Variants in ANKRD6 observed in about 807,000 individuals in gnomAD.
ANKRD6 encodes ankyrin repeat domain 6, also known as ankyrin repeat domain-containing protein 6.
Under a neutral mutation model 82.3 loss-of-function variants are expected in ANKRD6, and 56 were observed. The observed-to-expected ratio is 0.68, with a 90% confidence interval of 0.55 to 0.85. The LOEUF (loss-of-function observed/expected upper bound fraction) is 0.85. ANKRD6 is among the 40% of genes least tolerant of loss of function. ANKRD6 has a pLI of 0.00. For missense variants in ANKRD6, 852 were observed against 907.6 expected (o/e 0.94, Z 0.79); for synonymous variants, 347 against 352.1 (o/e 0.99, Z 0.16).
At chr6:89,530,101 A>G (rs1166927908) in intron 1 of ANKRD6, among the ~76,000 whole-genome samples, 1 of 152,032 alleles carries the variant, frequency 6.6e-6, no homozygotes, top group Admixed American at 6.6e-5. Context: ...AAAAAGATAC[A>G]AAAATTAGTT....
At chr6:89,536,147 T>C (rs1383740287) in intron 1 of ANKRD6, among the ~76,000 whole-genome samples, 2 of 152,188 alleles carry the variant, frequency 1.3e-5, no homozygotes, top group African/African-American at 4.8e-5. Context: ...TGATAATCCC[T>C]TGAACCTGGA....
chr6:89,574,020 C>T (rs1322839293), intron 2 of ANKRD6, among the ~76,000 whole-genome samples: 1 of 152,100 alleles, frequency 6.6e-6, no homozygotes, highest in Non-Finnish European at 1.5e-5. Flanking sequence ...AACTCCCCAC[C>T]ACATCATCAC....
chr6:89,613,912 A>G (rs919588062), intron 7 of ANKRD6, 22 bp downstream of exon 7: 10 of 1,611,146 alleles, frequency 6.2e-6, no homozygotes, highest in Admixed American at 3.3e-5. Context: ...TATTCTCTTC[A>G]TGGCTGCCAG....
intron 1 of ANKRD6, among the ~76,000 whole-genome samples, chr6:89,524,991 C>T (rs1782295728): frequency 6.6e-6 from 1 of 151,622 alleles, no homozygotes; most frequent in African/African-American, 2.4e-5. Context: ...GATGTTGAAT[C>T]TGCTCTGCTT....
chr6:89,616,310 CT>C, intron 7 of ANKRD6: 1 of 500,418 alleles, frequency 2.0e-6, no homozygotes. Flanking sequence ...TACTTTGCCC[CT>C]GCGTTTAATC....
intron 1 of ANKRD6, among the ~76,000 whole-genome samples, chr6:89,471,772 C>G (rs1326488623): frequency 6.6e-6 from 1 of 151,420 alleles, no homozygotes; most frequent in Non-Finnish European, 1.5e-5. Context: ...TTGATAAGAG[C>G]AATTGTAGTG....
At chr6:89,589,633 G>C (rs1170319493) in intron 2 of ANKRD6, among the ~76,000 whole-genome samples, 10 of 152,174 alleles carry the variant, frequency 6.6e-5, no homozygotes, top group Admixed American at 6.5e-4. Context: ...TTTCATTCTA[G>C]GCATCATTGT....
intron 2 of ANKRD6, among the ~76,000 whole-genome samples, chr6:89,577,142 C>T (rs1232077293): frequency 6.6e-6 from 1 of 151,906 alleles, no homozygotes; most frequent in Non-Finnish European, 1.5e-5. Context: ...GCCTGGTCCT[C>T]TTCCCAAGGT....
rs541483470 is a variant in ANKRD6, at chr6:89,477,499, C to T, written c.-144+44124C>T. ...TTAAGAATTCTTTTTTGGCTGGGCACGGTGGCTCATACCTGTAATCCCAGC... is the reference window on the plus strand; with the variant it reads ...TTAAGAATTCTTTTTTGGCTGGGCATGGTGGCTCATACCTGTAATCCCAGC... On this transcript the variant is annotated intron_variant, in intron 1 of 15. Coordinates refer to ENST00000339746, the MANE Select transcript of ANKRD6 (RefSeq NM_001242809.2). 4.0e-5 allele frequency among the ~76,000 whole-genome samples: 6 copies of T among 151,554 alleles called. No individual in the cohort carries two copies. The South Asian group carries it at 6.3e-4, about 16-fold the overall frequency.
chr6:89,490,153 A>G (rs934129504), intron 1 of ANKRD6, among the ~76,000 whole-genome samples: 1 of 152,340 alleles, frequency 6.6e-6, no homozygotes, highest in East Asian at 1.9e-4. Flanking sequence ...ATCCAGTTCA[A>G]TTGCATGCGC....
chr6:89,504,215 G>C (rs1418843533), intron 1 of ANKRD6, among the ~76,000 whole-genome samples: 2 of 151,960 alleles, frequency 1.3e-5, no homozygotes, highest in African/African-American at 2.4e-5. Flanking sequence ...GGTGATGGAG[G>C]CCTGCATCAA....
intron 1 of ANKRD6, among the ~76,000 whole-genome samples, chr6:89,480,110 G>T (rs1462347141): frequency 6.6e-6 from 1 of 152,128 alleles, no homozygotes; most frequent in Non-Finnish European, 1.5e-5. Context: ...CACAATTTCT[G>T]TGCTGGTTTC....
At chr6:89,478,518 A>G (rs1776356513) in intron 1 of ANKRD6, 3 of 152,066 alleles carry the variant, frequency 2.0e-5, no homozygotes, top group African/African-American at 7.2e-5. Flanking sequence ...GGATCACCTG[A>G]GGTCAGGAGT....
At chr6:89,472,398 T>C (rs903200396) in intron 1 of ANKRD6, among the ~76,000 whole-genome samples, 8 of 152,242 alleles carry the variant, frequency 5.3e-5, no homozygotes, top group African/African-American at 1.7e-4. Flanking sequence ...ATCTTTGGGA[T>C]ATGTAATATA....
At chr6:89,550,235 G>A (rs1345327089) in intron 1 of ANKRD6, among the ~76,000 whole-genome samples, 2 of 151,518 alleles carry the variant, frequency 1.3e-5, no homozygotes, top group South Asian at 2.1e-4. Context: ...TAAGAATATT[G>A]ATAGCAGCAC....
chr6:89,517,210 C>A (rs1364318523), intron 1 of ANKRD6, among the ~76,000 whole-genome samples: 1 of 152,192 alleles, frequency 6.6e-6, no homozygotes, highest in East Asian at 1.9e-4. Flanking sequence ...TAATTTGTTA[C>A]AGCAGCCACA....
At chr6:89,610,803 T>TAAAAA (rs56775209) in intron 5 of ANKRD6, among the ~76,000 whole-genome samples, 1 of 143,760 alleles carries the variant, frequency 7.0e-6, no homozygotes, top group Admixed American at 6.9e-5. Context: ...AAACAAAACT[T>TAAAAA]AAAAAAAAAA....
chr6:89,518,624 C>T (rs1414635122), intron 1 of ANKRD6, among the ~76,000 whole-genome samples: 1 of 150,982 alleles, frequency 6.6e-6, no homozygotes, highest in African/African-American at 2.5e-5. Flanking sequence ...TCAGCTCACA[C>T]AGAGTCATAT....
In ANKRD6 at chr6:89,623,461, AAAG is replaced by A. The variant is rs751830929; in HGVS notation, c.956_958del (p.Glu319del). ...CAGCAGTGAACAGGCTGTGGCCAGA[AAAG>A]AAGAAGCCAGAGAAGAGTTCCTGTC... is the stretch of plus-strand genomic sequence containing the variant. On this transcript the variant is annotated inframe_deletion, in exon 11 of 16. Transcript: ENST00000339746. 24 of 1,609,882 alleles carry A rather than the reference AAAG, an allele frequency of 1.5e-5. No homozygotes were observed. The highest frequency in any genetic ancestry group is 1.0e-4 in the Admixed American group (6 of 59,340).
Sources: allele counts gnomAD v4.1 joint callset (sites outside exome capture counted in the v4.1 genomes callset), GRCh38; gene constraint gnomAD v4.1.1; transcripts MANE v1.5; gene names NCBI Gene and HGNC (gene_info 2026-07-23, HGNC 2026-07-21).